The following COG5 variants were observed in gnomAD, a reference collection of about 807,000 sequenced individuals.
COG5 encodes the protein component of oligomeric golgi complex 5.
In COG5, 86 loss-of-function variants were observed where a neutral mutation model predicts 110.4. The observed-to-expected ratio is 0.78, with a 90% confidence interval of 0.65 to 0.93. COG5 has a LOEUF of 0.93. Among genes scored for constraint, COG5 ranks in the 40% least tolerant of loss-of-function variants. The pLI is 0.00. For synonymous variants in COG5, 360 were observed against 334.6 expected (o/e 1.08, Z -0.83); for missense variants, 1,077 against 987.0 (o/e 1.09, Z -1.22).
chr7:107,461,984 A>G (rs141775046), intron 6 of COG5, among the ~76,000 whole-genome samples: 5 of 152,322 alleles, frequency 3.3e-5, no homozygotes, highest in African/African-American at 1.2e-4. Flanking sequence ...GTTCATTGTG[A>G]TATCAATTAA....
rs751860643 is a variant in COG5 at position 107,236,557 on chromosome 7, T to G, written c.1984A>C (p.Thr662Pro). 2 of 1,614,148 alleles carry G rather than the reference T, an allele frequency of 1.2e-6. No homozygotes were observed. The highest frequency in any genetic ancestry group is 3.3e-5 in the Admixed American group (2 of 60,034). ...ACAGCTCTTTGGGCAATAGCCTCAG[T>G]GTTGTCAAAGACAAAATCCAAGCAT... Reference protein sequence around the residue: ...FECLDFVFDNTEAIAQRAVEL... With the variant: ...FECLDFVFDNPEAIAQRAVEL... Residue 662 changes from threonine to proline, a missense_variant, in exon 18 of 22, where the codon ACT becomes CCT. Physicochemically the swap from Thr to Pro is conservative, Grantham distance 38. Transcript: ENST00000297135.
chr7:107,471,997 A>T (rs1796661388), intron 6 of COG5: 1 of 152,054 alleles, frequency 6.6e-6, no homozygotes, highest in Non-Finnish European at 1.5e-5. Flanking sequence ...CAATGGTAAC[A>T]AAAGGATGTC....
chr7:107,461,517 A>C (rs1795988890), intron 6 of COG5, among the ~76,000 whole-genome samples: 1 of 152,186 alleles, frequency 6.6e-6, no homozygotes, highest in East Asian at 1.9e-4. Context: ...CATGGAAAAA[A>C]GCAGTTATGT....
At chr7:107,542,202 C>T (rs1185910529) in intron 5 of COG5, among the ~76,000 whole-genome samples, 1 of 151,996 alleles carries the variant, frequency 6.6e-6, no homozygotes, top group African/African-American at 2.4e-5. Context: ...CAACAACAGA[C>T]AAGAGCGAGA....
chr7:107,412,510 C>T lies in COG5; in HGVS notation c.661G>A (p.Glu221Lys). 1 of 1,612,832 alleles carries T rather than the reference C, an allele frequency of 6.2e-7. No individual in the cohort carries two copies. The highest frequency in any genetic ancestry group is 8.5e-7 in the Non-Finnish European group (1 of 1,179,604). The change falls in exon 7 of 22, where the codon GAG becomes AAG. Residue 221 changes from glutamate to lysine, a missense_variant. By Grantham distance (56) the Glu-to-Lys change is moderately conservative. Transcript: ENST00000297135. ...AGTCTTATTTTTATTACCTGAGTCT[C>T]CAAACCCTGCTCTAGTAGGCGCTTA... ...QAKRLLEQGL[E>K]TQNPTQVGTA...
intron 7 of COG5, among the ~76,000 whole-genome samples, chr7:107,374,560 T>C (rs918499322): frequency 2.0e-5 from 3 of 152,004 alleles, no homozygotes; most frequent in African/African-American, 7.2e-5. Flanking sequence ...TTAAAACACC[T>C]AGCTAAAATA....
At position 107,248,518 on chromosome 7, in the gene COG5, G is replaced by GA. The variant is rs763434588; in HGVS notation, c.1750-20dup. On this transcript the variant is annotated intron_variant, in intron 16 of 21. Coordinates refer to ENST00000297135, the MANE Select transcript of COG5 (RefSeq NM_006348.5). The stretch of plus-strand genomic sequence containing the variant: ...GAATAGCCTAAAAAAAAAAAAGAAA[G>GA]AAAAAAAAGAAGAGGCAAGATTAAA... The GA allele has an allele frequency of 4.6e-5, 68 of 1,483,026 alleles. No individual in the cohort carries two copies. Among genetic ancestry groups the GA allele is most frequent in the Admixed American group, 5.3e-5 (3 of 56,958 alleles). 91.9% of individuals were successfully genotyped at this position (1,483,026 alleles called of 1,614,324 possible). A position where few individuals can be genotyped will look rare whatever the true frequency, so the allele number is the denominator to read the frequency against.
At position 107,230,927 on chromosome 7, in the gene COG5, AT is replaced by A. The variant is rs1197222188; in HGVS notation, c.2092-237del. Among the ~76,000 whole-genome samples the A allele has an allele frequency of 2.6e-5, 4 of 151,692 alleles. No individual in the cohort carries two copies. The East Asian group carries it at 7.7e-4, about 29-fold the overall frequency. On this transcript the variant is annotated intron_variant, in intron 18 of 21. Transcript: ENST00000297135. ...TCCTTCATGAAAATAAAAAAAAAAC[AT>A]TTTTTGTTATATAAAAGGAAAAAGT...
Position 107,476,183 on chromosome 7 carries a change from T to TAAAAAAAAAAAAAAAAAAAAAA in COG5, c.538+51053_538+51054insTTTTTTTTTTTTTTTTTTTTTT, listed in dbSNP as rs1563056700. The stretch of plus-strand genomic sequence containing the variant: ...TCTGGATTAATATAGTGCAATGATT[T>TAAAAAAAAAAAAAAAAAAAAAA]TAAAAAAAAAAAAAAAAAAAAAAAG... On this transcript the variant is annotated intron_variant, in intron 6 of 21. Transcript: ENST00000297135. Among the ~76,000 whole-genome samples, 92 of 86,400 alleles carry TAAAAAAAAAAAAAAAAAAAAAA rather than the reference T, an allele frequency of 1.1e-3. 4 individuals are homozygous for TAAAAAAAAAAAAAAAAAAAAAA. Among genetic ancestry groups the TAAAAAAAAAAAAAAAAAAAAAA allele is most frequent in the East Asian group, 2.2e-3 (6 of 2,686 alleles). 56.7% of individuals were successfully genotyped at this position (86,400 alleles called of 152,430 possible).
intron 6 of COG5, among the ~76,000 whole-genome samples, chr7:107,511,118 A>G (rs1799471901): frequency 6.7e-6 from 1 of 148,950 alleles, no homozygotes; most frequent in African/African-American, 2.5e-5. Context: ...TGGTTTTTTG[A>G]AAAGATCAAC....
At chr7:107,382,105 A>C (rs531335069) in intron 7 of COG5, among the ~76,000 whole-genome samples, 1 of 152,176 alleles carries the variant, frequency 6.6e-6, no homozygotes, top group Admixed American at 6.5e-5. Flanking sequence ...AGAGTCCATA[A>C]AAGTCCAGTG....
chr7:107,540,371 A>C (rs1222718107), intron 5 of COG5, among the ~76,000 whole-genome samples: 1 of 151,646 alleles, frequency 6.6e-6, no homozygotes, highest in Admixed American at 6.6e-5. Context: ...CAGGAGTTTG[A>C]AATCAGCCTA....
chr7:107,231,885 A>C (rs1191922723), intron 18 of COG5, among the ~76,000 whole-genome samples: 1 of 152,250 alleles, frequency 6.6e-6, no homozygotes, highest in Non-Finnish European at 1.5e-5. Flanking sequence ...CAACAAAATC[A>C]AAAGTATTTG....
At chr7:107,541,140 G>A (rs1277114510) in intron 5 of COG5, among the ~76,000 whole-genome samples, 1 of 149,388 alleles carries the variant, frequency 6.7e-6, no homozygotes. Context: ...AACAGAGCGG[G>A]ACTCTGTCTT....
intron 6 of COG5, among the ~76,000 whole-genome samples, chr7:107,484,738 CAAT>C (rs1226211627): frequency 6.6e-6 from 1 of 152,126 alleles, no homozygotes; most frequent in Non-Finnish European, 1.5e-5. Context: ...CCTCAATGTA[CAAT>C]AATAACATCA....
chr7:107,432,378 C>G (rs1048496990), intron 6 of COG5, among the ~76,000 whole-genome samples: 4 of 152,066 alleles, frequency 2.6e-5, no homozygotes, highest in African/African-American at 9.7e-5. Flanking sequence ...ATATGCCAGG[C>G]TGCAAAATAT....
chr7:107,300,000 C>T (rs1213150557), intron 11 of COG5, among the ~76,000 whole-genome samples: 1 of 151,162 alleles, frequency 6.6e-6, no homozygotes, highest in Non-Finnish European at 1.5e-5. Context: ...GGATTACAGA[C>T]ATGAGCCAAC....
chr7:107,239,750 T>A (rs7779062), intron 17 of COG5, among the ~76,000 whole-genome samples: 29,855 of 152,178 alleles, frequency 0.2, 3,057 homozygotes, highest in Non-Finnish European at 0.22. Flanking sequence ...GTTGTTCAGG[T>A]GCATGTTGTT....
intron 18 of COG5, among the ~76,000 whole-genome samples, chr7:107,235,561 G>T (rs941402373): frequency 6.6e-6 from 1 of 152,162 alleles, no homozygotes; most frequent in South Asian, 2.1e-4. Flanking sequence ...AAATTATCCA[G>T]GCGTGGTGGC....
Sources: gnomAD v4.1 joint callset for allele counts (sites outside exome capture counted in the v4.1 genomes callset) on GRCh38, gnomAD v4.1.1 for gene constraint, MANE v1.5 for transcripts, NCBI Gene and HGNC (gene_info 2026-07-23, HGNC 2026-07-21) for gene names.